MYO3B: variants seen among roughly 807,000 people sequenced by gnomAD.
MYO3B encodes the protein myosin-IIIb.
MYO3B carries 156 observed loss-of-function variants against 174.6 expected under a neutral mutation model. The observed-to-expected ratio is 0.89, with a 90% CI of 0.78 to 1.02. MYO3B has a LOEUF of 1.02. Ranked by LOEUF, MYO3B falls within the 50% of genes least tolerant of loss-of-function variation. The pLI, the probability that MYO3B is intolerant of heterozygous loss-of-function variation, is 0.00. For missense variants in MYO3B, 1,632 were observed against 1,639.4 expected (o/e 1.00, Z 0.08); for synonymous variants, 563 against 569.1 (o/e 0.99, Z 0.15).
intron 32 of MYO3B, among the ~76,000 whole-genome samples, chr2:170,588,266 T>C (rs995773431): frequency 4.0e-5 from 6 of 151,684 alleles, no homozygotes; most frequent in African/African-American, 1.5e-4. Context: ...ACTTCATCTC[T>C]ATACAAAAAA....
intron 7 of MYO3B, among the ~76,000 whole-genome samples, chr2:170,271,612 G>A (rs914688763): frequency 6.6e-6 from 1 of 152,184 alleles, no homozygotes; most frequent in African/African-American, 2.4e-5. Context: ...CCTAATGGCT[G>A]AGAGTCATTG....
chr2:170,640,680 C>T (rs948247401), intron 32 of MYO3B: 7 of 152,156 alleles, frequency 4.6e-5, no homozygotes, highest in Admixed American at 1.3e-4. Context: ...GCTAGTATGT[C>T]TTAAATTCCT....
At chr2:170,404,226 T>A (rs1300867994) in intron 19 of MYO3B, 21 bp from the exon 20 acceptor site, 1 of 1,581,934 alleles carries the variant, frequency 6.3e-7, no homozygotes, top group Non-Finnish European at 8.6e-7. Context: ...CTGGAGAGAA[T>A]CACAATCCAT....
chr2:170,306,946 A>G lies in MYO3B; in HGVS notation c.750-28439A>G, dbSNP rs116429286. The stretch of plus-strand genomic sequence containing the variant: ...AGTAGCTTTGTATGTTCTCAGGCAT[A>G]TGGAAATGGGGAAAACATTTTTTTA... On this transcript the variant is annotated intron_variant, in intron 7 of 34. Coordinates refer to ENST00000408978, the MANE Select transcript of MYO3B (RefSeq NM_138995.5). 5.0e-3 allele frequency among the ~76,000 whole-genome samples: 760 copies of G among 152,330 alleles called. 9 individuals are homozygous for G. The highest frequency in any genetic ancestry group is 0.016 in the African/African-American group (686 of 41,582).
chr2:170,423,216 CAG>C (rs1395760625), intron 22 of MYO3B, among the ~76,000 whole-genome samples: 10 of 152,152 alleles, frequency 6.6e-5, no homozygotes, highest in African/African-American at 2.2e-4. Context: ...CTCCAGACCT[CAG>C]GTGATCCACC....
chr2:170,576,207 G>A (rs535873145), intron 32 of MYO3B, among the ~76,000 whole-genome samples: 1 of 152,340 alleles, frequency 6.6e-6, no homozygotes, highest in East Asian at 1.9e-4. Flanking sequence ...TAAAGGCTGA[G>A]GAACAGAGAG....
At chr2:170,254,100 C>T (rs2081352) in intron 7 of MYO3B, among the ~76,000 whole-genome samples, 2 of 151,768 alleles carry the variant, frequency 1.3e-5, no homozygotes, top group African/African-American at 4.8e-5. Context: ...CTGAGCACCA[C>T]GACCAGCTCC....
chr2:170,282,901 C>T (rs1046721501), intron 7 of MYO3B, among the ~76,000 whole-genome samples: 3 of 152,102 alleles, frequency 2.0e-5, no homozygotes, highest in Admixed American at 6.5e-5. Flanking sequence ...TACTTTGGCT[C>T]CCCTTTCCCC....
At chr2:170,625,515 C>T (rs1346936164) in intron 32 of MYO3B, among the ~76,000 whole-genome samples, 1 of 152,124 alleles carries the variant, frequency 6.6e-6, no homozygotes, top group Non-Finnish European at 1.5e-5. Context: ...CTCCTGGATT[C>T]ATTGATTTTT....
In MYO3B at chr2:170,383,168, T is replaced by C. The variant is rs745497497; in HGVS notation, c.1164T>C (p.Asn388=). 1 of 1,605,592 alleles carries C rather than the reference T, an allele frequency of 6.2e-7. No homozygotes were observed. Among genetic ancestry groups the C allele is most frequent in the Non-Finnish European group, 8.5e-7 (1 of 1,172,426 alleles). ...TAATTGCCTTAAACCCCTTCCAGAA[T>C]CTAAGCATATACTCTCCACAGGTAA... is the stretch of plus-strand genomic sequence containing the variant. ...DILIALNPFQ[N]LSIYSPQFSR... is the part of the protein sequence containing the mutation. The change falls in exon 11 of 35, where the codon AAT becomes AAC. Residue 388 remains asparagine, a synonymous_variant. Coordinates refer to ENST00000408978, the MANE Select transcript of MYO3B (RefSeq NM_138995.5).
chr2:170,236,281 G>A lies in MYO3B; in HGVS notation c.749+145G>A, dbSNP rs543242527. The A allele has an allele frequency of 1.1e-5, 11 of 979,316 alleles. No homozygotes were observed. In the African/African-American group the frequency reaches 1.5e-4, roughly 13 times the overall value. The allele number at this position is 979,316 out of a possible 1,614,324, so 60.7% of individuals were successfully genotyped here. ...ATATTTTCTTTGAAAAAGCAAGGGG[G>A]GCTGGGGGGGACAGAGAAGAGGATG... On this transcript the variant is annotated intron_variant, in intron 7 of 34. Coordinates refer to ENST00000408978, the MANE Select transcript of MYO3B (RefSeq NM_138995.5).
At position 170,463,500 on chromosome 2, in the gene MYO3B, C is replaced by G. The variant is rs140579458; in HGVS notation, c.2808+55C>G. On this transcript the variant is annotated intron_variant, in intron 24 of 34. Transcript: ENST00000408978. ...CTGCTTCCAAAAAGGACTGTCTAAG[C>G]CTTCTTATGAGATGCCCAGATGGAG... 531 of 1,492,434 alleles carry G rather than the reference C, an allele frequency of 3.6e-4. 2 individuals are homozygous for G. In the African/African-American group the frequency reaches 6.8e-3, roughly 19 times the overall value. 92.4% of individuals were successfully genotyped at this position (1,492,434 alleles called of 1,614,324 possible). A position where few individuals can be genotyped will look rare whatever the true frequency, so the allele number is the denominator to read the frequency against.
chr2:170,532,994 A>G (rs1689456882), intron 30 of MYO3B, among the ~76,000 whole-genome samples: 2 of 152,170 alleles, frequency 1.3e-5, no homozygotes, highest in Admixed American at 6.5e-5. Flanking sequence ...CATCTTTTCT[A>G]TTAATATAAT....
rs182477612 is a variant in MYO3B, at chr2:170,616,004, T to C, written c.3734-35624T>C. On this transcript the variant is annotated intron_variant, in intron 32 of 34. Transcript: ENST00000408978. ...AGTATAGAGAGATAAGAATTTACAA[T>C]ATAGTGTGTGTGTCAGTAATTTCTA... is the stretch of plus-strand genomic sequence containing the variant. 1.5e-3 allele frequency among the ~76,000 whole-genome samples: 228 copies of C among 152,338 alleles called. 1 individual carries two copies. Among genetic ancestry groups the C allele is most frequent in the African/African-American group, 5.3e-3 (221 of 41,582 alleles).
At chr2:170,212,732 G>C (rs1344186499) in intron 3 of MYO3B, among the ~76,000 whole-genome samples, 1 of 152,142 alleles carries the variant, frequency 6.6e-6, no homozygotes, top group African/African-American at 2.4e-5. Flanking sequence ...GAGCTAAAGA[G>C]AGCAGGCTAC....
intron 6 of MYO3B, among the ~76,000 whole-genome samples, chr2:170,228,467 G>A (rs1484473598): frequency 2.0e-5 from 3 of 152,194 alleles, no homozygotes; most frequent in Non-Finnish European, 2.9e-5. Context: ...CACTTTTTGA[G>A]TACCAAGGAC....
At chr2:170,414,895 G>A (rs1457161641) in intron 22 of MYO3B, among the ~76,000 whole-genome samples, 2 of 152,186 alleles carry the variant, frequency 1.3e-5, no homozygotes, top group African/African-American at 4.8e-5. Flanking sequence ...TAGAAATACA[G>A]ATGACTTTTG....
chr2:170,651,991 A>G (rs1224903452), intron 33 of MYO3B, 117 bp from the exon 34 acceptor site: 7 of 1,147,652 alleles, frequency 6.1e-6, no homozygotes, highest in Admixed American at 4.2e-5. Context: ...AAAAAAAATT[A>G]TGCTGTGACT....
At chr2:170,229,928 A>G (rs1246881800) in intron 6 of MYO3B, among the ~76,000 whole-genome samples, 2 of 152,204 alleles carry the variant, frequency 1.3e-5, no homozygotes, top group Non-Finnish European at 2.9e-5. Context: ...CGAGAAAGTG[A>G]AAGTACTCTA....
Sources: gnomAD v4.1 joint callset for allele counts (sites outside exome capture counted in the v4.1 genomes callset) on GRCh38, gnomAD v4.1.1 for gene constraint, MANE v1.5 for transcripts, NCBI Gene and HGNC (gene_info 2026-07-23, HGNC 2026-07-21) for gene names.